IL1RAP: variants seen among roughly 807,000 people sequenced by gnomAD.
IL1RAP encodes the protein interleukin-1 receptor accessory protein.
IL1RAP carries 35 observed loss-of-function variants against 60.7 expected under a neutral mutation model. The ratio of observed to expected loss-of-function variants is 0.58; its 90% CI spans 0.44 to 0.76. IL1RAP has a LOEUF of 0.76. Among genes scored for constraint, IL1RAP ranks in the 30% least tolerant of loss-of-function variants. The pLI, the probability that IL1RAP is intolerant of heterozygous loss-of-function variation, is 0.00. For synonymous variants in IL1RAP, 268 were observed against 250.9 expected, an observed-to-expected ratio of 1.07 and a Z score of -0.64; for missense variants, 572 against 693.9, an observed-to-expected ratio of 0.82 and a Z score of 1.97.
intron 1 of IL1RAP, among the ~76,000 whole-genome samples, chr3:190,539,482 C>T (rs1380023424): frequency 6.6e-6 from 1 of 151,982 alleles, no homozygotes; most frequent in Non-Finnish European, 1.5e-5. Context: ...CCCCACTTCC[C>T]CTGGTATTGC....
chr3:190,575,073 A>G (rs1276642323), intron 3 of IL1RAP, among the ~76,000 whole-genome samples: 2 of 152,086 alleles, frequency 1.3e-5, no homozygotes, highest in Non-Finnish European at 2.9e-5. Context: ...TTGCCCTCCT[A>G]TTTTAAATAT....
intron 9 of IL1RAP, among the ~76,000 whole-genome samples, chr3:190,632,335 T>G (rs1732856492): frequency 6.6e-6 from 1 of 152,242 alleles, no homozygotes; most frequent in Admixed American, 6.5e-5. Context: ...AAATTTGCAT[T>G]TATTGGATAC....
chr3:190,541,731 C>T (rs986982014), intron 1 of IL1RAP, among the ~76,000 whole-genome samples: 1 of 152,022 alleles, frequency 6.6e-6, no homozygotes, highest in Non-Finnish European at 1.5e-5. Context: ...CAGAATTTTT[C>T]ACATTTTGTA....
chr3:190,632,702 T>G (rs931340648), intron 9 of IL1RAP, among the ~76,000 whole-genome samples: 1 of 152,188 alleles, frequency 6.6e-6, no homozygotes, highest in Non-Finnish European at 1.5e-5. Flanking sequence ...GGTATCCTTC[T>G]GTGTTTTCTT....
chr3:190,522,399 G>GCATC lies in IL1RAP; in HGVS notation c.-89+8180_-89+8181insCATC, dbSNP rs377119351. On this transcript the variant is annotated intron_variant, in intron 1 of 11. Transcript: ENST00000447382. ...TCCTATTATCTATGTATCTTTCTAT[G>GCATC]TATCTATCTATGTATCTATGTATCT... Among the ~76,000 whole-genome samples the GCATC allele has an allele frequency of 9.3e-3, 1,233 of 133,236 alleles. 23 individuals carry two copies. The highest frequency in any genetic ancestry group is 0.03 in the African/African-American group (1,087 of 36,092). The allele number at this position is 133,236 out of a possible 152,430, so 87.4% of individuals were successfully genotyped here.
At chr3:190,532,464 G>T (rs985097385) in intron 1 of IL1RAP, among the ~76,000 whole-genome samples, 80 of 151,846 alleles carry the variant, frequency 5.3e-4, no homozygotes, top group African/African-American at 1.7e-3. Context: ...GGGTTTCACC[G>T]TGTTAGCCAG....
At position 190,617,206 on chromosome 3, in the gene IL1RAP, T is replaced by C. The variant is rs79903950; in HGVS notation, c.538-3069T>C. ...CTTTTATTGTGTTTGTTGCAATCCT[T>C]CATTAGACCATGAATAACTATAAGT... On this transcript the variant is annotated intron_variant, in intron 5 of 11. Transcript: ENST00000447382. 9.3e-3 allele frequency among the ~76,000 whole-genome samples: 1,414 copies of C among 152,318 alleles called. 19 individuals are homozygous for C. The highest frequency in any genetic ancestry group is 0.03 in the African/African-American group (1,264 of 41,570).
In IL1RAP at chr3:190,648,764, C is replaced by A; in HGVS notation, c.*59C>A. 2.6e-6 allele frequency: 4 copies of A among 1,535,672 alleles called. No homozygotes were observed. Among genetic ancestry groups the A allele is most frequent in the East Asian group, 2.3e-5 (1 of 44,312 alleles). ...GTGCTCCAGGAAGAAAGAGTCCCCC[C>A]AGTCTTCATTCGCAGTTTATGGTTT... On this transcript the variant is annotated 3_prime_UTR_variant, in exon 12 of 12. Coordinates refer to ENST00000447382, the MANE Select transcript of IL1RAP (RefSeq NM_002182.4).
At chr3:190,617,209 T>A (rs575769259) in intron 5 of IL1RAP, among the ~76,000 whole-genome samples, 1 of 152,346 alleles carries the variant, frequency 6.6e-6, no homozygotes, top group East Asian at 1.9e-4. Flanking sequence ...CAATCCTTCA[T>A]TAGACCATGA....
chr3:190,604,922 G>T (rs73060198), intron 4 of IL1RAP, among the ~76,000 whole-genome samples: 11,554 of 152,132 alleles, frequency 0.076, 826 homozygotes, highest in African/African-American at 0.19. Flanking sequence ...CTGAAATGTC[G>T]AAAATTACAT....
chr3:190,541,476 TTAAC>T (rs1229417925), intron 1 of IL1RAP, among the ~76,000 whole-genome samples: 1 of 152,160 alleles, frequency 6.6e-6, no homozygotes, highest in Non-Finnish European at 1.5e-5. Context: ...TTCATTATGT[TTAAC>T]TAAGCAGTTC....
downstream of IL1RAP, among the ~76,000 whole-genome samples, chr3:190,653,799 AT>A: frequency 6.6e-6 from 1 of 152,346 alleles, no homozygotes; most frequent in South Asian, 2.1e-4. Context: ...AAACTTTAGC[AT>A]TAAAAATAAT....
At chr3:190,527,439 A>G (rs945798751) in intron 1 of IL1RAP, among the ~76,000 whole-genome samples, 3 of 152,210 alleles carry the variant, frequency 2.0e-5, no homozygotes, top group Non-Finnish European at 2.9e-5. Context: ...GTGTTTTGCC[A>G]CATTTTTCTT....
At chr3:190,651,545 T>G (rs1288976072), downstream of IL1RAP, 1 of 239,560 alleles carries the variant, frequency 4.2e-6, no homozygotes, top group Non-Finnish European at 6.7e-6. Flanking sequence ...TTATGTCATT[T>G]GGTCATTTGG....
downstream of IL1RAP, among the ~76,000 whole-genome samples, chr3:190,653,352 G>A (rs935943098): frequency 3.3e-5 from 5 of 152,198 alleles, no homozygotes; most frequent in African/African-American, 1.2e-4. Flanking sequence ...AGCCCTACGA[G>A]TTTACTTTAT....
At chr3:190,543,106 A>T (rs2108568183) in intron 1 of IL1RAP, among the ~76,000 whole-genome samples, 1 of 152,218 alleles carries the variant, frequency 6.6e-6, no homozygotes, top group East Asian at 1.9e-4. Flanking sequence ...AAATGTATGT[A>T]TTATAAAGCA....
At chr3:190,604,447 C>G in intron 4 of IL1RAP, 34 bp downstream of exon 4, 1 of 1,595,784 alleles carries the variant, frequency 6.3e-7, no homozygotes, top group Non-Finnish European at 8.5e-7. Context: ...TTTCTCTTTT[C>G]CCTTTAGTTT....
At chr3:190,619,766 G>T (rs1254164319) in intron 5 of IL1RAP, among the ~76,000 whole-genome samples, 1 of 151,332 alleles carries the variant, frequency 6.6e-6, no homozygotes, top group Non-Finnish European at 1.5e-5. Context: ...ATGCAAAACA[G>T]TTTGGAAATA....
chr3:190,629,701 G>C, intron 9 of IL1RAP: 1 of 1,284,420 alleles, frequency 7.8e-7, no homozygotes, highest in Non-Finnish European at 9.9e-7. Context: ...GATATTGTTA[G>C]TACCGTAATG....
Sources: gnomAD v4.1 joint callset for allele counts (sites outside exome capture counted in the v4.1 genomes callset) on GRCh38, gnomAD v4.1.1 for gene constraint, MANE v1.5 for transcripts, NCBI Gene and HGNC (gene_info 2026-07-23, HGNC 2026-07-21) for gene names.